Variants in SEPTIN9 observed in about 807,000 individuals in gnomAD.
SEPTIN9 encodes septin-9.
In SEPTIN9, 13 loss-of-function variants were observed where a neutral mutation model predicts 56.6. That is an observed-to-expected ratio of 0.23 (90% CI 0.15 to 0.37). The LOEUF (loss-of-function observed/expected upper bound fraction) is 0.37, where lower values mean the gene tolerates loss of function less well. Among genes scored for constraint, SEPTIN9 ranks in the 10% least tolerant of loss-of-function variants. The pLI is 1.00. For missense variants in SEPTIN9, 650 were observed against 823.1 expected, an observed-to-expected ratio of 0.79 and a Z score of 2.57; for synonymous variants, 332 against 334.1, an observed-to-expected ratio of 0.99 and a Z score of 0.07.
intron 3 of SEPTIN9, among the ~76,000 whole-genome samples, chr17:77,441,809 A>C (rs558152476): frequency 6.6e-6 from 1 of 152,092 alleles, no homozygotes; most frequent in East Asian, 1.9e-4. Context: ...ACCAGACCTG[A>C]CCCTCCTTTT....
intron 10 of SEPTIN9, among the ~76,000 whole-genome samples, chr17:77,493,977 T>G (rs1386850634): frequency 6.6e-6 from 1 of 151,876 alleles, no homozygotes; most frequent in African/African-American, 2.4e-5. Flanking sequence ...TTCGCCATGT[T>G]GGCCAGGCTG....
chr17:77,479,565 T>C (rs2039364947), intron 3 of SEPTIN9, among the ~76,000 whole-genome samples: 1 of 152,150 alleles, frequency 6.6e-6, no homozygotes. Context: ...GGCTGCGTTG[T>C]ATTATTATTT....
intron 7 of SEPTIN9, 57 bp from the exon 8 acceptor site, chr17:77,490,685 T>G (rs1598467412): frequency 7.6e-7 from 1 of 1,318,054 alleles, no homozygotes; most frequent in African/African-American, 1.5e-5. Context: ...TGGGGGTGGG[T>G]GCCCCCCCAC....
At chr17:77,385,328 G>A (rs983096880) in intron 2 of SEPTIN9, among the ~76,000 whole-genome samples, 1 of 151,988 alleles carries the variant, frequency 6.6e-6, no homozygotes, top group Admixed American at 6.6e-5. Flanking sequence ...TAGGATTTGA[G>A]AATCCTACAA....
At chr17:77,379,564 C>G (rs1018367252) in intron 2 of SEPTIN9, among the ~76,000 whole-genome samples, 22 of 152,256 alleles carry the variant, frequency 1.4e-4, no homozygotes, top group Non-Finnish European at 2.9e-5. Context: ...CTAGGGTCTC[C>G]TCCTCCTTTC....
At chr17:77,444,852 G>A in intron 3 of SEPTIN9, 1 of 310,790 alleles carries the variant, frequency 3.2e-6, no homozygotes, top group Non-Finnish European at 6.5e-6. Flanking sequence ...AAGCCGTGGT[G>A]TAGACCTACT....
At chr17:77,320,883 GTGTGTGTGCA>G (rs1445524159) in intron 2 of SEPTIN9, among the ~76,000 whole-genome samples, 4 of 152,250 alleles carry the variant, frequency 2.6e-5, no homozygotes, top group East Asian at 1.9e-4. Flanking sequence ...GTGTGTGCAC[GTGTGTGTGCA>G]TGTGTGTGCG....
intron 2 of SEPTIN9, among the ~76,000 whole-genome samples, chr17:77,307,413 G>T (rs973033144): frequency 2.0e-5 from 3 of 152,228 alleles, no homozygotes; most frequent in African/African-American, 7.2e-5. Context: ...TCCTTGTGGG[G>T]GCAGGGGCAG....
At chr17:77,448,800 T>A (rs866256323) in intron 3 of SEPTIN9, among the ~76,000 whole-genome samples, 2 of 152,016 alleles carry the variant, frequency 1.3e-5, no homozygotes, top group African/African-American at 2.4e-5. Context: ...TTTTTTTTTT[T>A]AAATATGGGG....
chr17:77,408,980 G>T (rs748204575), intron 3 of SEPTIN9, among the ~76,000 whole-genome samples: 3 of 152,118 alleles, frequency 2.0e-5, no homozygotes, highest in Non-Finnish European at 2.9e-5. Context: ...CAGTGAGTTT[G>T]GATCGTGTCA....
intron 1 of SEPTIN9, among the ~76,000 whole-genome samples, chr17:77,294,242 A>G (rs1016349926): frequency 3.9e-5 from 6 of 152,112 alleles, no homozygotes; most frequent in African/African-American, 7.2e-5. Flanking sequence ...AACATGGTGA[A>G]ACCCCATCTC....
intron 3 of SEPTIN9, chr17:77,466,547 G>A (rs1370264378): frequency 1.3e-5 from 13 of 985,454 alleles, no homozygotes; most frequent in East Asian, 1.1e-4. Flanking sequence ...GGAGGTCACC[G>A]TTGGAGTCCC....
intron 2 of SEPTIN9, among the ~76,000 whole-genome samples, chr17:77,338,511 CG>C (rs2033627094): frequency 6.6e-6 from 1 of 152,080 alleles, no homozygotes; most frequent in Non-Finnish European, 1.5e-5. Context: ...CTCTGCCTCC[CG>C]GGTTCAAGCA....
rs1305243988 is a variant in SEPTIN9, at chr17:77,317,680, G to A, written c.76+10483G>A. On this transcript the variant is annotated intron_variant, in intron 2 of 11. Transcript: ENST00000427177. The surrounding 1 kb of genome is among the most constrained non-coding windows in gnomAD (Gnocchi z 4.2). Reference sequence around the variant, plus strand: ...ATTATAATAATAATAGAAATAAAGTGCACAATCAATACAACGTGCTTGTGG... The same window carrying A: ...ATTATAATAATAATAGAAATAAAGTACACAATCAATACAACGTGCTTGTGG... Among the ~76,000 whole-genome samples, 1 of 152,084 alleles carries A rather than the reference G, an allele frequency of 6.6e-6. No individual in the cohort carries two copies. Among genetic ancestry groups the A allele is most frequent in the Non-Finnish European group, 1.5e-5 (1 of 68,024 alleles).
chr17:77,406,424 T>C lies in SEPTIN9; in HGVS notation c.721+3721T>C, dbSNP rs192659208. 9.2e-5 allele frequency among the ~76,000 whole-genome samples: 14 copies of C among 151,394 alleles called. No individual in the cohort carries two copies. The East Asian group carries it at 2.5e-3, about 27-fold the overall frequency. ...GCTTGGGATATAAATGATTTGTGTATAAACTTTCTTTCCTCTGCTAGACTT... is the reference window on the plus strand; with the variant it reads ...GCTTGGGATATAAATGATTTGTGTACAAACTTTCTTTCCTCTGCTAGACTT... On this transcript the variant is annotated intron_variant, in intron 3 of 11. Coordinates refer to ENST00000427177, the MANE Select transcript of SEPTIN9 (RefSeq NM_001113491.2).
At position 77,335,899 on chromosome 17, in the gene SEPTIN9, T is replaced by C. The variant is rs74220767; in HGVS notation, c.76+28702T>C. Among the ~76,000 whole-genome samples, 864 of 122,608 alleles carry C rather than the reference T, an allele frequency of 7.0e-3. No individual in the cohort carries two copies. The East Asian group carries it at 0.13, about 18-fold the overall frequency. The allele number at this position is 122,608 out of a possible 152,430, so 80.4% of individuals were successfully genotyped here. A position where few individuals can be genotyped will look rare whatever the true frequency, so the allele number is the denominator to read the frequency against. On this transcript the variant is annotated intron_variant, in intron 2 of 11. Coordinates refer to ENST00000427177, the MANE Select transcript of SEPTIN9 (RefSeq NM_001113491.2). ...GTATTAGTATATGTACATATATACA[T>C]GTAGGCCCCGTGTTGACTGTATATG...
At chr17:77,391,401 A>G (rs997395752) in intron 2 of SEPTIN9, among the ~76,000 whole-genome samples, 4 of 152,128 alleles carry the variant, frequency 2.6e-5, no homozygotes, top group Non-Finnish European at 5.9e-5. Context: ...CTGCAGACGC[A>G]TCACCATCAT....
At chr17:77,471,952 A>G (rs1362006157) in intron 3 of SEPTIN9, among the ~76,000 whole-genome samples, 1 of 151,392 alleles carries the variant, frequency 6.6e-6, no homozygotes, top group Non-Finnish European at 1.5e-5. Context: ...CAGAAAACAG[A>G]ATATAAAATA....
In SEPTIN9 at chr17:77,328,389, G is replaced by A. The variant is rs781509826; in HGVS notation, c.76+21192G>A. ...ATGTTTTGTTGTTGTTGTTTGATAC[G>A]GGGTCTCACTCCGTCACCCAGGCTG... On this transcript the variant is annotated intron_variant, in intron 2 of 11. Transcript: ENST00000427177. Among the ~76,000 whole-genome samples the A allele has an allele frequency of 1.1e-3, 174 of 152,146 alleles. 7 individuals are homozygous for A. The highest frequency in any genetic ancestry group is 5.0e-4 in the Non-Finnish European group (34 of 68,020).
Sources: gnomAD v4.1 joint callset for allele counts (sites outside exome capture counted in the v4.1 genomes callset) on GRCh38, gnomAD v4.1.1 for gene constraint, Gnocchi (gnomAD v3.1) non-coding constraint, MANE v1.5 for transcripts, NCBI Gene and HGNC (gene_info 2026-07-23, HGNC 2026-07-21) for gene names.